Variants in SEPTIN6 observed in about 807,000 individuals in gnomAD.
The protein encoded by SEPTIN6 is septin 6.
SEPTIN6 carries 8 observed loss-of-function variants against 33.6 expected under a neutral mutation model. The ratio of observed to expected loss-of-function variants is 0.24; its 90% CI spans 0.14 to 0.43. The LOEUF (loss-of-function observed/expected upper bound fraction) is 0.43. SEPTIN6 is among the 20% of genes least tolerant of loss of function. SEPTIN6 has a pLI of 1.00. For synonymous variants in SEPTIN6, 131 were observed against 140.0 expected (o/e 0.94, Z 0.45); for missense variants, 250 against 340.8 (o/e 0.73, Z 2.10).
chrX:119,616,761 G>A, downstream of SEPTIN6: 1 of 1,179,412 alleles, frequency 8.5e-7, no homozygotes. Context: ...GAGAGAGAAA[G>A]AGAAAGAAAA....
intron 2 of SEPTIN6, among the ~76,000 whole-genome samples, chrX:119,674,503 T>A (rs1236302532): frequency 1.8e-5 from 2 of 112,038 alleles, no homozygotes; most frequent in African/African-American, 3.2e-5. Flanking sequence ...AAGGAACCGT[T>A]ATCCCTCATA....
rs2053723043 is a variant in SEPTIN6, at chrX:119,620,060, GAA to G, written c.*42-11_*42-10del. ...TCTACAGGAAGCCCAAACTGAAAAT[GAA>G]AAGAGAAGCTGAGTTAATGAATGGA... On this transcript the variant is annotated splice_polypyrimidine_tract_variant and intron_variant, in intron 10 of 10. Transcript: ENST00000394610. The G allele has an allele frequency of 8.6e-7, 1 of 1,166,159 alleles. No homozygotes were observed. The highest frequency in any genetic ancestry group is 1.2e-6 in the Non-Finnish European group (1 of 863,067).
Position 119,618,144 on chromosome X carries a change from A to G in SEPTIN6, c.*1949T>C. 1.2e-5 allele frequency: 9 copies of G among 775,225 alleles called. No individual in the cohort carries two copies. Among genetic ancestry groups the G allele is most frequent in the Non-Finnish European group, 1.4e-5 (9 of 651,043 alleles). 63.9% of individuals were successfully genotyped at this position (775,225 alleles called of 1,213,427 possible). A position where few individuals can be genotyped will look rare whatever the true frequency, so the allele number is the denominator to read the frequency against. On this transcript the variant is annotated 3_prime_UTR_variant, in exon 11 of 11. Transcript: ENST00000394610. ...GCCTAACTCAGCATCTCTCTGAGCT[A>G]CTGGCTGAGTATCTGAGCAGATTTT...
chrX:119,675,349 CCTATA>C (rs1215174384), intron 2 of SEPTIN6, among the ~76,000 whole-genome samples, 200 bp downstream of exon 2: 1 of 111,358 alleles, frequency 9.0e-6, no homozygotes, highest in Non-Finnish European at 1.9e-5. Context: ...AAGATATGGC[CCTATA>C]CTCTGATCTG....
chrX:119,616,561 C>A (rs772368468), downstream of SEPTIN6: 1 of 591,034 alleles, frequency 1.7e-6, no homozygotes, highest in Non-Finnish European at 2.9e-6. Context: ...AGCTTCTTGC[C>A]TGGACACAGG....
intron 5 of SEPTIN6, 75 bp from the exon 6 acceptor site, chrX:119,640,863 C>T (rs953987901): frequency 1.1e-6 from 1 of 916,535 alleles, no homozygotes. Flanking sequence ...AACTGCTGTT[C>T]GTCTCTGGGG....
chrX:119,653,249 CT>C (rs762313144), intron 3 of SEPTIN6, among the ~76,000 whole-genome samples: 2 of 111,377 alleles, frequency 1.8e-5, no homozygotes, highest in African/African-American at 6.5e-5. Flanking sequence ...ATCTGTGCAC[CT>C]TCACTAGAAT....
At position 119,632,879 on chromosome X, in the gene SEPTIN6, C is replaced by T. The variant is rs1431269382; in HGVS notation, c.1089+481G>A. Among the ~76,000 whole-genome samples the T allele has an allele frequency of 6.3e-5, 7 of 111,081 alleles. No individual in the cohort carries two copies. The South Asian group carries it at 1.9e-3, about 30-fold the overall frequency. On this transcript the variant is annotated intron_variant, in intron 8 of 10. Transcript: ENST00000394610. ...CTGACTTCAGGTGATCCAACTACCTCGGCCTCCCAAAGTGTTGGGATTACA... is the reference window on the plus strand; with the variant it reads ...CTGACTTCAGGTGATCCAACTACCTTGGCCTCCCAAAGTGTTGGGATTACA...
chrX:119,677,198 C>G (rs58145264), intron 1 of SEPTIN6, among the ~76,000 whole-genome samples: 13,544 of 111,373 alleles, frequency 0.12, 665 homozygotes, highest in South Asian at 0.26. Context: ...AAGGGTCAGC[C>G]AAGCCACTCC....
intron 1 of SEPTIN6, among the ~76,000 whole-genome samples, chrX:119,685,983 T>G (rs982159314): frequency 2.7e-5 from 3 of 111,649 alleles, no homozygotes; most frequent in African/African-American, 9.8e-5. Flanking sequence ...AGCCTAAGTC[T>G]AGGTCAAATA....
At chrX:119,642,330 A>C (rs973011015) in intron 5 of SEPTIN6, among the ~76,000 whole-genome samples, 1 of 111,108 alleles carries the variant, frequency 9.0e-6, no homozygotes, top group African/African-American at 3.3e-5. Flanking sequence ...ATTAGCAATA[A>C]TTTGTTAAGC....
chrX:119,640,167 TC>T (rs2054133219), intron 6 of SEPTIN6, among the ~76,000 whole-genome samples: 2 of 29,096 alleles, frequency 6.9e-5, no homozygotes, highest in African/African-American at 3.1e-4. Context: ...CACTATCCAG[TC>T]TTTTTTTTTT....
intron 1 of SEPTIN6, among the ~76,000 whole-genome samples, chrX:119,683,409 G>A (rs569488726): frequency 7.1e-5 from 8 of 112,381 alleles, no homozygotes; most frequent in Admixed American, 1.9e-4. Flanking sequence ...CTGAAAGACC[G>A]TGCAAATCTC....
chrX:119,622,683 T>A (rs2053789876), intron 10 of SEPTIN6, among the ~76,000 whole-genome samples: 1 of 112,642 alleles, frequency 8.9e-6, no homozygotes. Context: ...TGTAAGCAAC[T>A]GTGTCAAGCC....
intron 1 of SEPTIN6, among the ~76,000 whole-genome samples, chrX:119,676,883 C>T (rs2054851563): frequency 8.9e-6 from 1 of 112,079 alleles, no homozygotes; most frequent in Non-Finnish European, 1.9e-5. Context: ...TTAGTTACAG[C>T]CCCATCTCCA....
At chrX:119,647,121 C>T (rs1020982381) in intron 5 of SEPTIN6, among the ~76,000 whole-genome samples, 2 of 110,158 alleles carry the variant, frequency 1.8e-5, no homozygotes, top group Non-Finnish European at 3.8e-5. Flanking sequence ...CCCAGCTACT[C>T]GGGAGGCTGA....
chrX:119,647,291 G>A (rs1212871106), intron 5 of SEPTIN6, among the ~76,000 whole-genome samples: 1 of 108,180 alleles, frequency 9.2e-6, no homozygotes, highest in East Asian at 2.9e-4. Context: ...ATTTATGATA[G>A]GGATAATCCT....
chrX:119,617,742 G>A lies in SEPTIN6; in HGVS notation c.*2351C>T. ...GGCTTCTGCCTCGAAACAGAAGTGG[G>A]ACCTCGGTCAAGTCCCTTCCCTTCT... On this transcript the variant is annotated 3_prime_UTR_variant, in exon 11 of 11. Coordinates refer to ENST00000394610, the MANE Select transcript of SEPTIN6 (RefSeq NM_145799.4). The A allele has an allele frequency of 1.3e-6, 1 of 775,897 alleles. No individual in the cohort carries two copies. 63.9% of individuals were successfully genotyped at this position (775,897 alleles called of 1,213,427 possible). A position where few individuals can be genotyped will look rare whatever the true frequency, so the allele number is the denominator to read the frequency against.
At position 119,617,835 on chromosome X, in the gene SEPTIN6, A is replaced by T. The variant is rs1266447031; in HGVS notation, c.*2258T>A. On this transcript the variant is annotated 3_prime_UTR_variant, in exon 11 of 11. Coordinates refer to ENST00000394610, the MANE Select transcript of SEPTIN6 (RefSeq NM_145799.4). ...TCTTACTGACTAAAATGTCTCCCTT[A>T]ATATAAAACTCCTCCTTAGTTTCTG... 1.2e-6 allele frequency: 1 copy of T among 800,216 alleles called. No homozygotes were observed. The highest frequency in any genetic ancestry group is 1.5e-6 in the Non-Finnish European group (1 of 667,533). The allele number at this position is 800,216 out of a possible 1,213,427, so 65.9% of individuals were successfully genotyped here.
Sources: allele counts gnomAD v4.1 joint callset (sites outside exome capture counted in the v4.1 genomes callset), GRCh38; gene constraint gnomAD v4.1.1; transcripts MANE v1.5; gene names NCBI Gene and HGNC (gene_info 2026-07-23, HGNC 2026-07-21).